The following MYOM3 variants were observed in gnomAD, a reference collection of about 807,000 sequenced individuals.
The protein encoded by MYOM3 is myomesin-3.
Under a neutral mutation model 191.7 loss-of-function variants are expected in MYOM3, and 155 were observed. That is an observed-to-expected ratio of 0.81 (90% CI 0.71 to 0.92). MYOM3 has a LOEUF of 0.92. Ranked by LOEUF, MYOM3 falls within the 40% of genes least tolerant of loss-of-function variation. The probability of loss-of-function intolerance (pLI) is 0.00; values close to 1 mark genes in which losing one functional copy is unlikely to be tolerated. For missense variants in MYOM3, 1,889 were observed against 1,890.6 expected (o/e 1.00, Z 0.02); for synonymous variants, 757 against 762.9 (o/e 0.99, Z 0.13).
chr1:24,069,066 C>T (rs1383174686), intron 25 of MYOM3, among the ~76,000 whole-genome samples: 2 of 151,984 alleles, frequency 1.3e-5, no homozygotes, highest in African/African-American at 2.4e-5. Flanking sequence ...ACCCCATTGG[C>T]GTGTGTAAAG....
At chr1:24,100,458 G>T (rs1391186036) in intron 5 of MYOM3, among the ~76,000 whole-genome samples, 3 of 152,014 alleles carry the variant, frequency 2.0e-5, no homozygotes, top group Non-Finnish European at 2.9e-5. Context: ...CTAGGACCAG[G>T]CCCCAGCTTT....
At chr1:24,108,439 C>T in intron 2 of MYOM3, 37 bp downstream of exon 2, 1 of 1,496,974 alleles carries the variant, frequency 6.7e-7, no homozygotes, top group Non-Finnish European at 8.9e-7. Flanking sequence ...GCCCTGGGAA[C>T]AGGGCAGTGG....
At chr1:24,081,258 C>G in intron 19 of MYOM3, 72 bp downstream of exon 19, 6 of 1,566,778 alleles carry the variant, frequency 3.8e-6, no homozygotes, top group Non-Finnish European at 4.4e-6. Flanking sequence ...GAGCGGCAAC[C>G]TTCATCTCAT....
Position 24,066,032 on chromosome 1 carries a change from T to A in MYOM3, c.3424-31A>T, listed in dbSNP as rs759145067. 122 of 1,428,124 alleles carry A rather than the reference T, an allele frequency of 8.5e-5. No homozygotes were observed. The Middle Eastern group carries it at 1.6e-3, about 18-fold the overall frequency. 88.5% of individuals were successfully genotyped at this position (1,428,124 alleles called of 1,614,324 possible). On this transcript the variant is annotated intron_variant, in intron 28 of 36. Coordinates refer to ENST00000374434, the MANE Select transcript of MYOM3 (RefSeq NM_152372.4). ...GAAGGTGGGGAATGAGGAGACTCTG[T>A]CAGGCTTGTTTCTTTTTGAGTAAAA...
intron 15 of MYOM3, among the ~76,000 whole-genome samples, chr1:24,085,671 C>T (rs1440427167): frequency 6.6e-6 from 1 of 152,134 alleles, no homozygotes; most frequent in Middle Eastern, 3.2e-3. Flanking sequence ...TATACCAGAG[C>T]CTTGCCTGGT....
At chr1:24,106,182 A>C in intron 4 of MYOM3, 105 bp from the exon 5 acceptor site, 2 of 1,302,462 alleles carry the variant, frequency 1.5e-6, no homozygotes, top group Non-Finnish European at 2.1e-6. Context: ...TTAGACCCAC[A>C]TGGGCTGGAG....
chr1:24,081,536 C>T, intron 18 of MYOM3, 80 bp from the exon 19 acceptor site: 1 of 1,526,218 alleles, frequency 6.6e-7, no homozygotes, highest in South Asian at 1.2e-5. Flanking sequence ...GGGAGGGACT[C>T]AGAGCAGGTG....
intron 17 of MYOM3, 100 bp downstream of exon 17, chr1:24,082,493 A>G: frequency 7.0e-7 from 1 of 1,428,660 alleles, no homozygotes; most frequent in Non-Finnish European, 9.2e-7. Context: ...CGTATGTGCC[A>G]CTGGCCACCA....
intron 16 of MYOM3, 97 bp from the exon 17 acceptor site, chr1:24,082,811 G>A (rs933575557): frequency 4.4e-5 from 62 of 1,420,802 alleles, no homozygotes; most frequent in Middle Eastern, 1.9e-4. Context: ...GGTCACCAGC[G>A]TGGTAGAATT....
intron 11 of MYOM3, among the ~76,000 whole-genome samples, chr1:24,091,782 G>A (rs1270055571): frequency 4.6e-5 from 7 of 152,202 alleles, no homozygotes; most frequent in Non-Finnish European, 8.8e-5. Flanking sequence ...AAGGCCGGAG[G>A]TTCTGGCCTC....
rs774895816 is a variant in MYOM3 at position 24,082,599 on chromosome 1, C to A, written c.2086G>T (p.Ala696Ser). ...AATEPIRVKQ[A>S]LATPSAPYGF... ...GACCTGCCCTTGGACTCACCCAGAG[C>A]CTGCTTGACCCTGATGGGCTCGGTG... Residue 696 changes from alanine to serine, a missense_variant, in exon 17 of 37, where the codon GCT becomes TCT. Physicochemically the swap from Ala to Ser is moderately conservative, Grantham distance 99. Coordinates refer to ENST00000374434, the MANE Select transcript of MYOM3 (RefSeq NM_152372.4). The A allele has an allele frequency of 6.2e-7, 1 of 1,603,898 alleles. No homozygotes were observed. Among genetic ancestry groups the A allele is most frequent in the South Asian group, 1.1e-5 (1 of 89,448 alleles).
intron 15 of MYOM3, among the ~76,000 whole-genome samples, chr1:24,086,348 G>C (rs1485629856): frequency 6.6e-6 from 1 of 152,092 alleles, no homozygotes; most frequent in Admixed American, 6.5e-5. Flanking sequence ...CCTGTGGAAC[G>C]GAGGGACCAG....
chr1:24,110,287 G>A (rs1644027283), intron 1 of MYOM3, among the ~76,000 whole-genome samples: 1 of 152,192 alleles, frequency 6.6e-6, no homozygotes, highest in African/African-American at 2.4e-5. Flanking sequence ...CTTCTGTGGG[G>A]TCAGCTCTGT....
chr1:24,086,533 G>T, intron 15 of MYOM3, 111 bp downstream of exon 15: 3 of 1,093,612 alleles, frequency 2.7e-6, no homozygotes, highest in African/African-American at 1.6e-5. Context: ...GCTTCATGAT[G>T]GGTAGAAGGG....
rs1553155383 is a variant in MYOM3, at chr1:24,067,341, T to TTTCCTTCC, written c.3356-254_3356-253insGGAAGGAA. Among the ~76,000 whole-genome samples the TTTCCTTCC allele has an allele frequency of 2.9e-4, 23 of 78,244 alleles. 1 individual carries two copies. The highest frequency in any genetic ancestry group is 1.2e-3 in the African/African-American group (22 of 18,818). 51.3% of individuals were successfully genotyped at this position (78,244 alleles called of 152,430 possible). A position where few individuals can be genotyped will look rare whatever the true frequency, so the allele number is the denominator to read the frequency against. On this transcript the variant is annotated intron_variant, in intron 27 of 36. Transcript: ENST00000374434. ...CTTTCTTTCCTTCTTTCTTTCTTTC[T>TTTCCTTCC]TTCTTTCTTTCTTTCTTTCTTTCTT...
chr1:24,075,419 CA>C lies in MYOM3; in HGVS notation c.2757del (p.Phe919LeufsTer40). ...VDEEGFIYLAFEAPEAPDSSE... is the reference protein window; with the variant it reads ...VDEEGFIYLAXEAPEAPDSSE... ...GAGGAGTCGGGGGCTTCAGGGGCTT[CA>C]AAAGCCAAATAGATAAAGCCCTCTT... On this transcript the variant is annotated frameshift_variant, in exon 22 of 37. Transcript: ENST00000374434. LOFTEE classifies it high-confidence loss of function. 1.2e-6 allele frequency: 2 copies of C among 1,609,468 alleles called. No homozygotes were observed. The highest frequency in any genetic ancestry group is 1.7e-6 in the Non-Finnish European group (2 of 1,178,670).
At chr1:24,066,210 T>C in intron 28 of MYOM3, 1 of 717,798 alleles carries the variant, frequency 1.4e-6, no homozygotes, top group African/African-American at 1.7e-5. Context: ...AATGTCCATG[T>C]GCTTCAGTTA....
chr1:24,108,184 G>T, intron 2 of MYOM3, 111 bp from the exon 3 acceptor site: 1 of 1,019,858 alleles, frequency 9.8e-7, no homozygotes, highest in Non-Finnish European at 1.4e-6. Context: ...AGGCAGGGCT[G>T]TGCCTCCCTC....
chr1:24,082,303 G>T, intron 17 of MYOM3, 115 bp from the exon 18 acceptor site: 1 of 1,047,904 alleles, frequency 9.5e-7, no homozygotes, highest in Non-Finnish European at 1.4e-6. Flanking sequence ...TACTCCAGGG[G>T]TTTTTCCCTG....
Sources: gnomAD v4.1 joint callset for allele counts (sites outside exome capture counted in the v4.1 genomes callset) on GRCh38, gnomAD v4.1.1 for gene constraint, MANE v1.5 for transcripts, NCBI Gene and HGNC (gene_info 2026-07-23, HGNC 2026-07-21) for gene names.